Variants in TRHDE observed in about 807,000 individuals in gnomAD.
TRHDE encodes thyrotropin-releasing hormone-degrading ectoenzyme.
A neutral mutation model predicts 125.7 loss-of-function variants in TRHDE; 72 were observed. That is an observed-to-expected ratio of 0.57 (90% CI 0.47 to 0.70). The LOEUF (loss-of-function observed/expected upper bound fraction) is 0.70. Ranked by LOEUF, TRHDE falls within the 30% of genes least tolerant of loss-of-function variation. The pLI is 0.00. For synonymous variants in TRHDE, 509 were observed against 509.1 expected, an observed-to-expected ratio of 1.00 and a Z score of 0.00; for missense variants, 1,110 against 1,327.1, an observed-to-expected ratio of 0.84 and a Z score of 2.54.
intron 3 of TRHDE, among the ~76,000 whole-genome samples, chr12:72,390,997 G>A (rs1299694052): frequency 6.6e-6 from 1 of 152,042 alleles, no homozygotes; most frequent in Non-Finnish European, 1.5e-5. Context: ...GATGATTATT[G>A]AGAGATTATT....
At chr12:72,422,436 T>C (rs959990071) in intron 3 of TRHDE, among the ~76,000 whole-genome samples, 4 of 152,214 alleles carry the variant, frequency 2.6e-5, no homozygotes, top group Non-Finnish European at 5.9e-5. Context: ...GACATTTTGA[T>C]TAACAATCTA....
chr12:72,322,933 G>A (rs938828179), intron 2 of TRHDE, among the ~76,000 whole-genome samples: 20 of 152,088 alleles, frequency 1.3e-4, no homozygotes, highest in African/African-American at 4.3e-4. Flanking sequence ...TTACTGATTA[G>A]CTGTGTAATA....
intron 6 of TRHDE, 130 bp downstream of exon 6, chr12:72,499,765 T>C: frequency 2.0e-6 from 2 of 1,020,708 alleles, no homozygotes; most frequent in Non-Finnish European, 2.7e-6. Context: ...GAAAACAGAG[T>C]CACTAGGTTC....
chr12:72,510,633 T>A (rs1878544135), intron 6 of TRHDE, among the ~76,000 whole-genome samples: 1 of 152,146 alleles, frequency 6.6e-6, no homozygotes, highest in Non-Finnish European at 1.5e-5. Flanking sequence ...ATAGAAAATA[T>A]GATTTGGGTT....
At chr12:72,430,181 T>C (rs2135839877) in intron 3 of TRHDE, among the ~76,000 whole-genome samples, 1 of 150,146 alleles carries the variant, frequency 6.7e-6, no homozygotes, top group South Asian at 2.1e-4. Flanking sequence ...TGGTGCATGA[T>C]GTGAATGTAA....
intron 2 of TRHDE, among the ~76,000 whole-genome samples, chr12:72,206,345 G>C (rs144960971): frequency 3.9e-5 from 6 of 152,162 alleles, no homozygotes; most frequent in South Asian, 2.1e-4. Flanking sequence ...CGCCTGCCTC[G>C]ACCTTCCAAA....
At chr12:72,524,309 G>A (rs1868297297) in intron 6 of TRHDE, among the ~76,000 whole-genome samples, 1 of 152,114 alleles carries the variant, frequency 6.6e-6, no homozygotes, top group Non-Finnish European at 1.5e-5. Flanking sequence ...TATTGGTAGA[G>A]TAAAATAATT....
chr12:72,558,858 T>G (rs1870042781), intron 7 of TRHDE, among the ~76,000 whole-genome samples: 1 of 152,068 alleles, frequency 6.6e-6, no homozygotes, highest in Non-Finnish European at 1.5e-5. Context: ...TGAGTTCAGT[T>G]TTTAATAGGA....
rs551873400 is a variant in TRHDE, at chr12:72,509,468, C to T, written c.1722+9833C>T. On this transcript the variant is annotated intron_variant, in intron 6 of 18. Coordinates refer to ENST00000261180, the MANE Select transcript of TRHDE (RefSeq NM_013381.3). Reference sequence around the variant, plus strand: ...TGTTCTACCAGCTCCCTTGTTTTCCCTGAGCTCTACCAAACTCCTTCCCAC... The same window carrying T: ...TGTTCTACCAGCTCCCTTGTTTTCCTTGAGCTCTACCAAACTCCTTCCCAC... Among the ~76,000 whole-genome samples the T allele has an allele frequency of 4.9e-4, 75 of 152,246 alleles. 1 individual carries two copies. Among genetic ancestry groups the T allele is most frequent in the African/African-American group, 1.6e-3 (68 of 41,564 alleles).
chr12:72,250,837 G>GATATATATATATATATATATATAT lies in TRHDE; in HGVS notation n.280-127155_280-127132dup, dbSNP rs376713479. ...TGTGTAACTTTCAATATGACTTACA[G>GATATATATATATATATATATATAT]ATATATATATATATATATATATATA... On this transcript the variant is annotated intron_variant and non_coding_transcript_variant, in intron 2 of 4. Coordinates refer to the TRHDE transcript ENST00000548156. 5.3e-3 allele frequency among the ~76,000 whole-genome samples: 625 copies of GATATATATATATATATATATATAT among 117,684 alleles called. 3 individuals are homozygous for GATATATATATATATATATATATAT. Among genetic ancestry groups the GATATATATATATATATATATATAT allele is most frequent in the Middle Eastern group, 0.01 (2 of 196 alleles). The allele number at this position is 117,684 out of a possible 152,430, so 77.2% of individuals were successfully genotyped here. A position where few individuals can be genotyped will look rare whatever the true frequency, so the allele number is the denominator to read the frequency against.
At chr12:72,266,434 C>A (rs921281489) in intron 2 of TRHDE, among the ~76,000 whole-genome samples, 2 of 151,782 alleles carry the variant, frequency 1.3e-5, no homozygotes, top group Non-Finnish European at 2.9e-5. Flanking sequence ...TCAACTCTTT[C>A]AATTACTTAG....
At chr12:72,389,056 C>T (rs748818100) in intron 3 of TRHDE, among the ~76,000 whole-genome samples, 45 of 151,500 alleles carry the variant, frequency 3.0e-4, no homozygotes, top group South Asian at 8.4e-4. Flanking sequence ...ACTTTTAATA[C>T]GGGAGAGAGG....
intron 10 of TRHDE, among the ~76,000 whole-genome samples, chr12:72,573,561 A>G (rs1870845590): frequency 6.6e-6 from 1 of 151,974 alleles, no homozygotes; most frequent in African/African-American, 2.4e-5. Flanking sequence ...ACAAGTAAGG[A>G]AATTGAGGAC....
chr12:72,633,418 T>C (rs967901932), intron 15 of TRHDE, among the ~76,000 whole-genome samples: 2 of 152,134 alleles, frequency 1.3e-5, no homozygotes, highest in African/African-American at 2.4e-5. Flanking sequence ...TGCTATTCTT[T>C]TGAATTTCAC....
chr12:72,464,737 C>CA (rs569005379), intron 3 of TRHDE, among the ~76,000 whole-genome samples: 1 of 151,976 alleles, frequency 6.6e-6, no homozygotes, highest in Non-Finnish European at 1.5e-5. Context: ...TCAGCAATGC[C>CA]AAAAAAATGA....
chr12:72,536,575 T>C (rs1024405738), intron 6 of TRHDE, among the ~76,000 whole-genome samples: 1 of 152,112 alleles, frequency 6.6e-6, no homozygotes, highest in Non-Finnish European at 1.5e-5. Flanking sequence ...TGCTCAGTGA[T>C]TGGCTAGGAG....
chr12:72,136,474 T>C (rs180690246), intron 2 of TRHDE, among the ~76,000 whole-genome samples: 1 of 152,318 alleles, frequency 6.6e-6, no homozygotes, highest in African/African-American at 2.4e-5. Context: ...TACTTTCCCA[T>C]TGACCTATAA....
At chr12:72,406,126 T>G (rs1873255390) in intron 3 of TRHDE, among the ~76,000 whole-genome samples, 1 of 152,170 alleles carries the variant, frequency 6.6e-6, no homozygotes, top group Non-Finnish European at 1.5e-5. Flanking sequence ...TAAAATAATA[T>G]GCTGTATTAT....
At chr12:72,429,758 A>G (rs1874363173) in intron 3 of TRHDE, among the ~76,000 whole-genome samples, 1 of 152,084 alleles carries the variant, frequency 6.6e-6, no homozygotes, top group Non-Finnish European at 1.5e-5. Context: ...TTTGATTGGC[A>G]TCCGATGGCT....
Sources: gnomAD v4.1 joint callset for allele counts (sites outside exome capture counted in the v4.1 genomes callset) on GRCh38, gnomAD v4.1.1 for gene constraint, MANE v1.5 for transcripts, NCBI Gene and HGNC (gene_info 2026-07-23, HGNC 2026-07-21) for gene names.